Variants in AXL observed in about 807,000 individuals in gnomAD.
AXL encodes AXL receptor tyrosine kinase.
A neutral mutation model predicts 104.5 loss-of-function variants in AXL; 52 were observed. The ratio of observed to expected loss-of-function variants is 0.50; its 90% CI spans 0.40 to 0.63. AXL has a LOEUF of 0.63. Among genes scored for constraint, AXL ranks in the 20% least tolerant of loss-of-function variants. The pLI is 0.00. For synonymous variants in AXL, 455 were observed against 473.7 expected, an observed-to-expected ratio of 0.96 and a Z score of 0.51; for missense variants, 1,024 against 1,188.5, an observed-to-expected ratio of 0.86 and a Z score of 2.04.
At chr19:41,236,881 A>C (rs1400184160) in intron 6 of AXL, among the ~76,000 whole-genome samples, 4 of 152,048 alleles carry the variant, frequency 2.6e-5, no homozygotes, top group Non-Finnish European at 5.9e-5. Flanking sequence ...GTGGCCCAGG[A>C]TGGCTTTGAA....
In AXL at chr19:41,238,478, G is replaced by A. The variant is rs765373582; in HGVS notation, c.1003G>A (p.Gly335Ser). Residue 335 changes from glycine (G) to serine (S), a missense_variant, in exon 8 of 20, where the codon GGC becomes AGC. By Grantham distance (56) the Gly-to-Ser change is moderately conservative. Coordinates refer to ENST00000301178, the MANE Select transcript of AXL (RefSeq NM_021913.5). ...TCTTCCCTGTCCTCCAGTGCCCCTG[G>A]GCCCCCCTGAGAACATTAGTGCTAC... ...PVETPEGVPL[G>S]PPENISATRN... 8 of 1,610,916 alleles carry A rather than the reference G, an allele frequency of 5.0e-6. No individual in the cohort carries two copies. Among genetic ancestry groups the A allele is most frequent in the Non-Finnish European group, 6.8e-6 (8 of 1,177,540 alleles).
At chr19:41,254,314 T>G (rs1240147570) in intron 17 of AXL, among the ~76,000 whole-genome samples, 5 of 143,318 alleles carry the variant, frequency 3.5e-5, no homozygotes, top group Non-Finnish European at 6.0e-5. Context: ...GAGGCGGAGG[T>G]TGCAATGAGC....
At chr19:41,219,529 A>G (rs759764389) in intron 1 of AXL, 52 bp downstream of exon 1, 42 of 641,046 alleles carry the variant, frequency 6.6e-5, no homozygotes, top group South Asian at 5.8e-4. Context: ...GGGCTGGGGC[A>G]GGGGTAGGAG....
chr19:41,233,162 G>A lies in AXL; in HGVS notation c.783+1864G>A, dbSNP rs186317172. 8.9e-3 allele frequency among the ~76,000 whole-genome samples: 1,359 copies of A among 151,876 alleles called. 9 individuals carry two copies. The highest frequency in any genetic ancestry group is 0.012 in the Non-Finnish European group (831 of 67,934). ...CCACCACCACGCCCAGCTAATTTTT[G>A]TATTTTTAGTAGAGACAGGGTTTCA... On this transcript the variant is annotated intron_variant, in intron 6 of 19. Coordinates refer to ENST00000301178, the MANE Select transcript of AXL (RefSeq NM_021913.5).
At chr19:41,254,168 C>T (rs1481258314) in intron 17 of AXL, among the ~76,000 whole-genome samples, 5 of 150,964 alleles carry the variant, frequency 3.3e-5, no homozygotes, top group African/African-American at 7.3e-5. Flanking sequence ...TTTGGGAGTC[C>T]GAGGCGGGTG....
chr19:41,257,901 A>G (rs1490990994), intron 19 of AXL, among the ~76,000 whole-genome samples: 3 of 152,230 alleles, frequency 2.0e-5, no homozygotes, highest in Admixed American at 6.5e-5. Flanking sequence ...TGGGTAGTGA[A>G]TAACAGCACA....
intron 14 of AXL, among the ~76,000 whole-genome samples, chr19:41,251,598 G>A (rs944561484): frequency 4.0e-5 from 6 of 151,352 alleles, no homozygotes; most frequent in African/African-American, 9.7e-5. Context: ...ATGGTGGTGC[G>A]TGCCTGTGGT....
chr19:41,219,331 A>T lies in AXL; in HGVS notation c.-62A>T. 1.4e-6 allele frequency: 2 copies of T among 1,473,606 alleles called. No individual in the cohort carries two copies. The highest frequency in any genetic ancestry group is 1.2e-5 in the South Asian group (1 of 81,334). The allele number at this position is 1,473,606 out of a possible 1,614,324, so 91.3% of individuals were successfully genotyped here. ...TGGAGCTGGGGGGAGGGCCGGGGAC[A>T]GCCCGGCCCTGCCCCCTCCCCCGCT... On this transcript the variant is annotated 5_prime_UTR_variant, in exon 1 of 20. Transcript: ENST00000301178.
Position 41,239,104 on chromosome 19 carries a change from G to A in AXL, c.1135-60G>A, listed in dbSNP as rs73931461. The A allele has an allele frequency of 1.9e-3, 3,060 of 1,597,134 alleles. 62 individuals are homozygous for A. In the African/African-American group the frequency reaches 0.036, roughly 19 times the overall value. ...AAGAGATGGGGCATTGAGCCCGAGA[G>A]TGAAGGCTTAACAGCTGGGGGGTAA... On this transcript the variant is annotated intron_variant, in intron 8 of 19. Transcript: ENST00000301178.
At chr19:41,230,734 G>C (rs1157255378) in intron 4 of AXL, among the ~76,000 whole-genome samples, 2 of 152,048 alleles carry the variant, frequency 1.3e-5, no homozygotes, top group Non-Finnish European at 2.9e-5. Context: ...TGTACTATGT[G>C]TGTCTGTGTG....
Position 41,239,090 on chromosome 19 carries a change from C to A in AXL, c.1135-74C>A. On this transcript the variant is annotated intron_variant, in intron 8 of 19. Coordinates refer to ENST00000301178, the MANE Select transcript of AXL (RefSeq NM_021913.5). Reference sequence around the variant, plus strand: ...AGAGCGTTTTGAGAAAGAGATGGGGCATTGAGCCCGAGAGTGAAGGCTTAA... The same window carrying A: ...AGAGCGTTTTGAGAAAGAGATGGGGAATTGAGCCCGAGAGTGAAGGCTTAA... 4 of 1,549,886 alleles carry A rather than the reference C, an allele frequency of 2.6e-6. No individual in the cohort carries two copies. The South Asian group carries it at 4.7e-5, about 18-fold the overall frequency.
At chr19:41,239,017 G>C (rs2034132973) in intron 8 of AXL, 147 bp from the exon 9 acceptor site, 3 of 909,746 alleles carry the variant, frequency 3.3e-6, no homozygotes. Flanking sequence ...GGATGAGGAT[G>C]AGAGATGAAG....
At chr19:41,248,478 G>A in intron 12 of AXL, 36 bp from the exon 13 acceptor site, 2 of 1,601,246 alleles carry the variant, frequency 1.2e-6, no homozygotes, top group Non-Finnish European at 1.7e-6. Context: ...TGTCAGCCCT[G>A]CTCCATGACT....
Position 41,256,487 on chromosome 19 carries a change from T to G in AXL, c.2072T>G (p.Phe691Cys). Residue 691 changes from phenylalanine to cysteine, a missense_variant, in exon 18 of 20, where the codon TTC becomes TGC. Physicochemically the swap from Phe to Cys is radical, Grantham distance 205 (BLOSUM62 -2). This residue lies in a region of AXL where 523 missense variants were observed against 636.0 expected (regional missense o/e 0.82). Transcript: ENST00000301178. ...AACATGTCCGTGTGTGTGGCGGACT[T>G]CGGGCTCTCCAAGAAGATCTACAAT... ...NENMSVCVAD[F>C]GLSKKIYNGD... The G allele has an allele frequency of 6.2e-7, 1 of 1,613,988 alleles. No homozygotes were observed. The highest frequency in any genetic ancestry group is 8.5e-7 in the Non-Finnish European group (1 of 1,179,930).
intron 14 of AXL, among the ~76,000 whole-genome samples, chr19:41,251,484 C>G (rs1231275049): frequency 1.3e-5 from 2 of 151,462 alleles, no homozygotes; most frequent in African/African-American, 4.9e-5. Context: ...ATCTCTTGAA[C>G]TGGGGAGGCA....
At chr19:41,244,841 T>G (rs1447796001) in intron 12 of AXL, among the ~76,000 whole-genome samples, 2 of 151,964 alleles carry the variant, frequency 1.3e-5, no homozygotes, top group African/African-American at 2.4e-5. Flanking sequence ...AGCTGTGGCA[T>G]AGAGTGGTTA....
At chr19:41,227,452 C>T (rs1208358161) in intron 4 of AXL, among the ~76,000 whole-genome samples, 1 of 150,500 alleles carries the variant, frequency 6.6e-6, no homozygotes, top group East Asian at 2.0e-4. Flanking sequence ...TTTGGCCTAT[C>T]CGAATTGCAG....
intron 4 of AXL, chr19:41,226,757 C>T: frequency 1.0e-6 from 1 of 985,956 alleles, no homozygotes; most frequent in Non-Finnish European, 1.2e-6. Flanking sequence ...GATGCACAAG[C>T]ACACGCGTAA....
At chr19:41,222,880 TGGGCGACA>T (rs2033817398) in intron 4 of AXL, among the ~76,000 whole-genome samples, 1 of 138,726 alleles carries the variant, frequency 7.2e-6, no homozygotes, top group South Asian at 2.3e-4. Context: ...CACTCCAGCC[TGGGCGACA>T]GGGCGAGACT....
Sources: allele counts gnomAD v4.1 joint callset (sites outside exome capture counted in the v4.1 genomes callset), GRCh38; gene constraint gnomAD v4.1.1; regional missense constraint gnomAD v4.1.1; transcripts MANE v1.5; gene names NCBI Gene and HGNC (gene_info 2026-07-23, HGNC 2026-07-21).